Variants in GNAQ observed in about 807,000 individuals in gnomAD.
The protein encoded by GNAQ is G protein subunit alpha q.
GNAQ carries 8 observed loss-of-function variants against 43.9 expected under a neutral mutation model. The observed-to-expected ratio is 0.18, with a 90% CI of 0.11 to 0.33. GNAQ has a LOEUF of 0.33. GNAQ is among the 10% of genes least tolerant of loss of function. The pLI is 1.00. For synonymous variants in GNAQ, 155 were observed against 170.7 expected (o/e 0.91, Z 0.71); for missense variants, 158 against 450.8 (o/e 0.35, Z 5.88).
At chr9:77,959,398 GATA>G (rs1465982786) in intron 1 of GNAQ, among the ~76,000 whole-genome samples, 2 of 152,020 alleles carry the variant, frequency 1.3e-5, no homozygotes, top group Non-Finnish European at 2.9e-5. Context: ...CATACTTACA[GATA>G]ATGTGAAATT....
intron 5 of GNAQ, among the ~76,000 whole-genome samples, chr9:77,733,952 A>C (rs1267494844): frequency 1.3e-5 from 2 of 152,230 alleles, no homozygotes; most frequent in African/African-American, 4.8e-5. Flanking sequence ...AGAAGGCTGG[A>C]TCCAGTGGAC....
intron 2 of GNAQ, among the ~76,000 whole-genome samples, chr9:77,908,923 A>G (rs1281975773): frequency 6.6e-6 from 1 of 152,230 alleles, no homozygotes; most frequent in South Asian, 2.1e-4. Flanking sequence ...TCGAGAAGCA[A>G]TACTCTAGAA....
chr9:77,815,863 C>T (rs991845519), intron 2 of GNAQ, 93 bp from the exon 3 acceptor site: 3 of 755,470 alleles, frequency 4.0e-6, no homozygotes, highest in South Asian at 1.9e-5. Context: ...CAGGTAACAC[C>T]TTCCTTCATA....
intron 3 of GNAQ, among the ~76,000 whole-genome samples, chr9:77,804,901 C>A (rs941647681): frequency 2.0e-5 from 3 of 152,040 alleles, no homozygotes; most frequent in Admixed American, 1.3e-4. Flanking sequence ...ATTAAGAAGA[C>A]CTCATTGTGA....
chr9:77,750,970 A>T (rs1825802189), intron 5 of GNAQ, among the ~76,000 whole-genome samples: 1 of 152,350 alleles, frequency 6.6e-6, no homozygotes, highest in East Asian at 1.9e-4. Context: ...TGCTGTAAAT[A>T]CATACCAACT....
intron 6 of GNAQ, among the ~76,000 whole-genome samples, chr9:77,725,063 G>A (rs1409298665): frequency 6.6e-6 from 1 of 151,876 alleles, no homozygotes; most frequent in Non-Finnish European, 1.5e-5. Flanking sequence ...ACTCTATTTG[G>A]GAAGGAAGGG....
chr9:77,835,066 A>G (rs1827362075), intron 2 of GNAQ, among the ~76,000 whole-genome samples: 1 of 152,040 alleles, frequency 6.6e-6, no homozygotes, highest in Non-Finnish European at 1.5e-5. Flanking sequence ...TTTTTCCTAT[A>G]CATACGTAAC....
chr9:77,743,737 G>T (rs1177294952), intron 5 of GNAQ, among the ~76,000 whole-genome samples: 1 of 152,068 alleles, frequency 6.6e-6, no homozygotes, highest in Non-Finnish European at 1.5e-5. Flanking sequence ...AAGCTGTACG[G>T]TTTTATTCAA....
intron 1 of GNAQ, 141 bp from the exon 2 acceptor site, chr9:77,922,486 T>C: frequency 1.6e-6 from 1 of 625,014 alleles, no homozygotes; most frequent in Non-Finnish European, 2.8e-6. Context: ...AAACACTACC[T>C]ATGGTGAACA....
chr9:77,917,169 AC>A (rs1828921585), intron 2 of GNAQ, among the ~76,000 whole-genome samples: 1 of 152,284 alleles, frequency 6.6e-6, no homozygotes, highest in African/African-American at 2.4e-5. Context: ...CGCAGGAAGA[AC>A]CCCAACTGCC....
chr9:78,009,828 T>A (rs1823752517), intron 1 of GNAQ, among the ~76,000 whole-genome samples: 1 of 151,370 alleles, frequency 6.6e-6, no homozygotes, highest in Non-Finnish European at 1.5e-5. Context: ...TGAAAAAAAA[T>A]CCAAGCAAAT....
chr9:77,966,908 T>C (rs1213670440), intron 1 of GNAQ, among the ~76,000 whole-genome samples: 1 of 152,180 alleles, frequency 6.6e-6, no homozygotes, highest in Non-Finnish European at 1.5e-5. Flanking sequence ...GTCCACTGCC[T>C]CTGCCACGGT....
chr9:77,994,222 G>A (rs1477006646), intron 1 of GNAQ, among the ~76,000 whole-genome samples: 1 of 151,904 alleles, frequency 6.6e-6, no homozygotes, highest in Non-Finnish European at 1.5e-5. Flanking sequence ...AATGTTTTGT[G>A]GAGATGGGGT....
At chr9:77,910,375 C>T (rs1488867758) in intron 2 of GNAQ, among the ~76,000 whole-genome samples, 2 of 152,186 alleles carry the variant, frequency 1.3e-5, no homozygotes, top group African/African-American at 4.8e-5. Context: ...GAAAACAATA[C>T]ATTACTTGGT....
intron 2 of GNAQ, among the ~76,000 whole-genome samples, chr9:77,868,248 C>A (rs761266846): frequency 2.0e-5 from 3 of 152,272 alleles, no homozygotes; most frequent in Non-Finnish European, 4.4e-5. Context: ...CCTACTCCAT[C>A]CAATACAAAC....
At chr9:77,760,147 A>C (rs1825970741) in intron 5 of GNAQ, among the ~76,000 whole-genome samples, 1 of 149,366 alleles carries the variant, frequency 6.7e-6, no homozygotes, top group Admixed American at 6.7e-5. Flanking sequence ...GTATTTAGTT[A>C]ATTCATAATG....
At chr9:77,986,052 C>T (rs1251579246) in intron 1 of GNAQ, among the ~76,000 whole-genome samples, 1 of 152,196 alleles carries the variant, frequency 6.6e-6, no homozygotes, top group Non-Finnish European at 1.5e-5. Flanking sequence ...TCCACCTCTA[C>T]TGTTGCTTCT....
chr9:77,768,179 CTA>C (rs1345563476), intron 5 of GNAQ, among the ~76,000 whole-genome samples: 1 of 152,170 alleles, frequency 6.6e-6, no homozygotes, highest in Non-Finnish European at 1.5e-5. Context: ...CGCAGTCTGG[CTA>C]TAGAGTCTGA....
At chr9:77,840,528 G>A (rs2117879402) in intron 2 of GNAQ, among the ~76,000 whole-genome samples, 1 of 151,964 alleles carries the variant, frequency 6.6e-6, no homozygotes, top group South Asian at 2.1e-4. Flanking sequence ...GTAGAGATGG[G>A]GTTTCACCAT....
Sources: allele counts gnomAD v4.1 joint callset (sites outside exome capture counted in the v4.1 genomes callset), GRCh38; gene constraint gnomAD v4.1.1; transcripts MANE v1.5; gene names NCBI Gene and HGNC (gene_info 2026-07-23, HGNC 2026-07-21).